Variants in ZNF730 observed in about 807,000 individuals in gnomAD.
ZNF730 encodes putative zinc finger protein 730.
A neutral mutation model predicts 12.6 loss-of-function variants in ZNF730; 12 were observed. The ratio of observed to expected loss-of-function variants is 0.95; its 90% confidence interval spans 0.61 to 1.54. The LOEUF (loss-of-function observed/expected upper bound fraction) is 1.54. Ranked by LOEUF, ZNF730 falls within the 40% of genes most tolerant of loss-of-function variation. The pLI, the probability that ZNF730 is intolerant of heterozygous loss-of-function variation, is 0.00. For missense variants in ZNF730, 643 were observed against 583.5 expected (o/e 1.10, Z -1.05); for synonymous variants, 194 against 195.8 (o/e 0.99, Z 0.08).
chr19:23,092,797 G>C (rs570839327), intron 1 of ZNF730, among the ~76,000 whole-genome samples: 5 of 152,156 alleles, frequency 3.3e-5, no homozygotes, highest in South Asian at 2.1e-4. Context: ...GATTCTGGTG[G>C]ATAAGTTTTT....
chr19:23,128,212 G>C lies in ZNF730; in HGVS notation c.4-5868G>C, dbSNP rs1202925208. On this transcript the variant is annotated intron_variant, in intron 1 of 3. Transcript: ENST00000597761. ...CCCTCACAGTACCAAACAGTTCCCT[G>C]GTTATGATTCTGAAAGCAAGGACTT... 4 of 765,804 alleles carry C rather than the reference G, an allele frequency of 5.2e-6. No individual in the cohort carries two copies. The East Asian group carries it at 9.9e-5, about 19-fold the overall frequency. The allele number at this position is 765,804 out of a possible 1,614,324, so 47.4% of individuals were successfully genotyped here.
chr19:23,077,843 T>A (rs192324419), intron 1 of ZNF730, among the ~76,000 whole-genome samples: 1 of 152,306 alleles, frequency 6.6e-6, no homozygotes, highest in East Asian at 1.9e-4. Context: ...TTCTTCTGCC[T>A]TGAGATGCTA....
At chr19:23,079,668 T>G (rs1011329677) in intron 1 of ZNF730, among the ~76,000 whole-genome samples, 16 of 152,200 alleles carry the variant, frequency 1.1e-4, no homozygotes, top group African/African-American at 3.4e-4. Context: ...GTGTACAGTT[T>G]AGAAGTATTA....
intron 3 of ZNF730, among the ~76,000 whole-genome samples, chr19:23,141,657 T>A (rs527702627): frequency 6.6e-5 from 10 of 152,216 alleles, no homozygotes; most frequent in South Asian, 2.1e-4. Context: ...TGAATTTTTT[T>A]AGTTTTTTTC....
intron 1 of ZNF730, among the ~76,000 whole-genome samples, chr19:23,077,007 TA>T (rs1003887930): frequency 2.0e-5 from 3 of 151,940 alleles, no homozygotes; most frequent in Non-Finnish European, 2.9e-5. Context: ...TGTGCAGCTA[TA>T]AAAAAAATGA....
chr19:23,135,464 C>A (rs548816921), intron 2 of ZNF730, among the ~76,000 whole-genome samples: 1 of 151,598 alleles, frequency 6.6e-6, no homozygotes, highest in Non-Finnish European at 1.5e-5. Flanking sequence ...AAATTAAGAA[C>A]CTATAAAATT....
At chr19:23,138,872 T>C (rs1169322706) in intron 3 of ZNF730, among the ~76,000 whole-genome samples, 4 of 152,018 alleles carry the variant, frequency 2.6e-5, no homozygotes, top group South Asian at 4.2e-4. Context: ...GTTTCTCTCA[T>C]AAAGGCATTT....
At chr19:23,105,078 A>C (rs1463345585) in intron 1 of ZNF730, among the ~76,000 whole-genome samples, 1 of 151,242 alleles carries the variant, frequency 6.6e-6, no homozygotes, top group Non-Finnish European at 1.5e-5. Flanking sequence ...ACTAAAGGCT[A>C]TGTTGCAAAC....
chr19:23,142,947 T>TA (rs891313944), intron 3 of ZNF730, among the ~76,000 whole-genome samples: 9 of 149,600 alleles, frequency 6.0e-5, no homozygotes, highest in East Asian at 2.0e-4. Flanking sequence ...TAAAACCTCT[T>TA]AAAAAAAACA....
At chr19:23,137,376 T>G (rs1435836957) in intron 3 of ZNF730, among the ~76,000 whole-genome samples, 1 of 152,218 alleles carries the variant, frequency 6.6e-6, no homozygotes, top group Non-Finnish European at 1.5e-5. Flanking sequence ...CTTTCTATAT[T>G]TTATCAGATA....
intron 1 of ZNF730, among the ~76,000 whole-genome samples, chr19:23,111,055 G>C (rs1345796469): frequency 2.0e-5 from 3 of 152,134 alleles, no homozygotes; most frequent in Non-Finnish European, 2.9e-5. Flanking sequence ...ACAGCTACTT[G>C]TTCATTCCTG....
At chr19:23,140,610 A>G (rs1009719913) in intron 3 of ZNF730, among the ~76,000 whole-genome samples, 1 of 148,122 alleles carries the variant, frequency 6.8e-6, no homozygotes, top group African/African-American at 2.5e-5. Flanking sequence ...TCGGTCTTAA[A>G]AAAAAAAAAA....
chr19:23,145,854 C>A lies in ZNF730; in HGVS notation c.810C>A (p.Asn270Lys), dbSNP rs778001223. ...KCGKFFNQST[N>K]LTTHKRIHTG... ...GCAAATTTTTTAACCAATCCACAAACCTTACTACACATAAAAGAATTCATA... is the reference window on the plus strand; with the variant it reads ...GCAAATTTTTTAACCAATCCACAAAACTTACTACACATAAAAGAATTCATA... The change falls in exon 4 of 4, where the codon AAC becomes AAA. Residue 270 changes from asparagine (N) to lysine (K), a missense_variant. Physicochemically the swap from Asn to Lys is moderately conservative, Grantham distance 94. Transcript: ENST00000597761. 17 of 1,607,814 alleles carry A rather than the reference C, an allele frequency of 1.1e-5. No homozygotes were observed. The highest frequency in any genetic ancestry group is 9.3e-6 in the Non-Finnish European group (11 of 1,178,426).
chr19:23,145,787 G>A lies in ZNF730; in HGVS notation c.743G>A (p.Arg248Lys), dbSNP rs751114658. 1.0e-5 allele frequency: 16 copies of A among 1,582,556 alleles called. No homozygotes were observed. The African/African-American group carries it at 2.2e-4, about 21-fold the overall frequency. ...TTTTCACATTTTACTACACATAAGA[G>A]AATTCATACTGGAGAAAAACCCTAC... ...NWFSHFTTHKRIHTGEKPYQC... is the reference protein window; with the variant it reads ...NWFSHFTTHKKIHTGEKPYQC... The change falls in exon 4 of 4, where the codon AGA becomes AAA. Residue 248 changes from arginine (R) to lysine (K), a missense_variant. Physicochemically the swap from Arg to Lys is conservative, Grantham distance 26 (BLOSUM62 2). Coordinates refer to ENST00000597761, the MANE Select transcript of ZNF730 (RefSeq NM_001277403.2).
At chr19:23,122,241 A>G (rs1217133872) in intron 1 of ZNF730, among the ~76,000 whole-genome samples, 5 of 150,278 alleles carry the variant, frequency 3.3e-5, no homozygotes, top group Admixed American at 6.7e-5. Flanking sequence ...TCCCAGTTCA[A>G]ATGATTTTCC....
At chr19:23,082,491 C>T (rs1004915531) in intron 1 of ZNF730, among the ~76,000 whole-genome samples, 4 of 151,790 alleles carry the variant, frequency 2.6e-5, no homozygotes, top group East Asian at 1.9e-4. Flanking sequence ...GGATTACAGG[C>T]GCCCGCCTCC....
intron 3 of ZNF730, among the ~76,000 whole-genome samples, chr19:23,141,967 C>G (rs910042164): frequency 6.6e-6 from 1 of 152,086 alleles, no homozygotes; most frequent in African/African-American, 2.4e-5. Flanking sequence ...ATATTGCTCT[C>G]TATGTGTTTC....
intron 1 of ZNF730, among the ~76,000 whole-genome samples, chr19:23,096,428 T>C (rs765745421): frequency 2.6e-5 from 4 of 152,252 alleles, no homozygotes; most frequent in Middle Eastern, 3.4e-3. Context: ...TTATAAGATA[T>C]CTTTCTATTA....
At chr19:23,143,263 C>A (rs912225705) in intron 3 of ZNF730, among the ~76,000 whole-genome samples, 2 of 151,658 alleles carry the variant, frequency 1.3e-5, no homozygotes, top group Non-Finnish European at 2.9e-5. Flanking sequence ...AAAAAAAAAA[C>A]AATATATTTT....
Sources: allele counts gnomAD v4.1 joint callset (sites outside exome capture counted in the v4.1 genomes callset), GRCh38; gene constraint gnomAD v4.1.1; transcripts MANE v1.5; gene names NCBI Gene and HGNC (gene_info 2026-07-23, HGNC 2026-07-21).